Variants in DECR1 observed in about 807,000 individuals in gnomAD.
DECR1 encodes the protein 2,4-dienoyl-CoA reductase 1, also known as 2,4-dienoyl-CoA reductase [(3E)-enoyl-CoA-producing], mitochondrial.
Under a neutral mutation model 38.8 loss-of-function variants are expected in DECR1, and 44 were observed. The ratio of observed to expected loss-of-function variants is 1.13; its 90% CI spans 0.89 to 1.46. DECR1 has a LOEUF of 1.46. DECR1 is among the 40% of genes most tolerant of loss of function. DECR1 has a pLI of 0.00. For missense variants in DECR1, 428 were observed against 405.5 expected (o/e 1.06, Z -0.48); for synonymous variants, 148 against 135.2 (o/e 1.09, Z -0.66).
At chr8:90,022,671 A>C (rs950342871) in intron 5 of DECR1, among the ~76,000 whole-genome samples, 1 of 151,038 alleles carries the variant, frequency 6.6e-6, no homozygotes, top group Admixed American at 6.6e-5. Flanking sequence ...TGATATCTCC[A>C]TTTCATTCTC....
At chr8:90,005,979 T>G (rs1812728513) in intron 1 of DECR1, 2 of 533,038 alleles carry the variant, frequency 3.8e-6, no homozygotes, top group Non-Finnish European at 6.7e-6. Flanking sequence ...TGCCAGGTTC[T>G]TTCACAACCT....
At chr8:90,010,790 T>C (rs939359006) in intron 1 of DECR1, among the ~76,000 whole-genome samples, 2 of 152,236 alleles carry the variant, frequency 1.3e-5, no homozygotes, top group Non-Finnish European at 2.9e-5. Context: ...GCTCACACTT[T>C]AGTGTTTAAT....
At chr8:90,023,118 A>G (rs1365500841) in intron 5 of DECR1, among the ~76,000 whole-genome samples, 1 of 152,166 alleles carries the variant, frequency 6.6e-6, no homozygotes, top group Non-Finnish European at 1.5e-5. Context: ...TTTTAACAAT[A>G]TCATGTCTTC....
chr8:90,029,749 C>T (rs1197326680), intron 5 of DECR1, among the ~76,000 whole-genome samples: 1 of 152,112 alleles, frequency 6.6e-6, no homozygotes, highest in African/African-American at 2.4e-5. Flanking sequence ...TTTTTCCAAC[C>T]CATAGACATT....
chr8:90,008,999 T>G (rs1362986519), intron 1 of DECR1, among the ~76,000 whole-genome samples: 1 of 152,196 alleles, frequency 6.6e-6, no homozygotes, highest in African/African-American at 2.4e-5. Flanking sequence ...CTACACTCCA[T>G]GGCAGCCAGA....
intron 5 of DECR1, among the ~76,000 whole-genome samples, chr8:90,033,511 G>T (rs1813546692): frequency 6.6e-6 from 1 of 152,222 alleles, no homozygotes. Flanking sequence ...CTAACCCTGG[G>T]GATCTAGGAA....
In DECR1 at chr8:90,017,172, C is replaced by G; in HGVS notation, c.118C>G (p.Gln40Glu). 6.2e-7 allele frequency: 1 copy of G among 1,614,004 alleles called. No individual in the cohort carries two copies. The highest frequency in any genetic ancestry group is 8.5e-7 in the Non-Finnish European group (1 of 1,179,882). Residue 40 changes from glutamine to glutamate, a missense_variant, in exon 2 of 10, where the codon CAA (glutamine) becomes GAA (glutamate). Gln to Glu is a conservative substitution (Grantham distance 29). Transcript: ENST00000220764. ...KILYQNTEAL[Q>E]SKFFSPLQKA... is the part of the protein sequence containing the mutation. ...ATTATATCAAAACACTGAAGCTTTGCAATCTAAATTCTTTTCACCTCTTCA... is the reference window on the plus strand; with the variant it reads ...ATTATATCAAAACACTGAAGCTTTGGAATCTAAATTCTTTTCACCTCTTCA...
At chr8:90,044,112 C>T (rs542039675) in intron 7 of DECR1, among the ~76,000 whole-genome samples, 2 of 152,250 alleles carry the variant, frequency 1.3e-5, no homozygotes, top group Admixed American at 6.5e-5. Context: ...CCCTAGCATG[C>T]ACTTTTTAGA....
At chr8:90,044,035 G>A (rs1813827049) in intron 7 of DECR1, among the ~76,000 whole-genome samples, 1 of 152,180 alleles carries the variant, frequency 6.6e-6, no homozygotes. Context: ...CACTGAGATA[G>A]GAGTTGTACC....
chr8:90,005,287 G>A (rs1474867571), intron 1 of DECR1: 1 of 454,362 alleles, frequency 2.2e-6, no homozygotes, highest in African/African-American at 2.0e-5. Flanking sequence ...TTTACTATTT[G>A]CTAGGCACCT....
intron 6 of DECR1, 123 bp from the exon 7 acceptor site, chr8:90,042,605 A>C (rs1022000197): frequency 5.2e-6 from 4 of 775,872 alleles, no homozygotes; most frequent in Non-Finnish European, 8.9e-6. Context: ...GAACAATAAT[A>C]GTACCTACCT....
intron 5 of DECR1, among the ~76,000 whole-genome samples, chr8:90,023,210 C>T (rs1238346201): frequency 6.6e-6 from 1 of 152,188 alleles, no homozygotes; most frequent in African/African-American, 2.4e-5. Flanking sequence ...GGGCATTGTA[C>T]ATGTTTTGTT....
chr8:90,045,773 G>A (rs879596351), intron 8 of DECR1, among the ~76,000 whole-genome samples: 26 of 152,200 alleles, frequency 1.7e-4, no homozygotes, highest in Non-Finnish European at 3.1e-4. Context: ...CTAACTGGGA[G>A]ACACCTCCCA....
rs910476235 is a variant in DECR1 at position 90,053,393 on chromosome 8, A to G, written c.*1496A>G. 1.6e-4 allele frequency among the ~76,000 whole-genome samples: 25 copies of G among 152,178 alleles called. No individual in the cohort carries two copies. Among genetic ancestry groups the G allele is most frequent in the African/African-American group, 6.0e-4 (25 of 41,442 alleles). ...GGGAACTCCCATTTATAAAACCATC[A>G]GATCTCGTGAGACTTATTCACTATC... On this transcript the variant is annotated 3_prime_UTR_variant, in exon 10 of 10. Coordinates refer to ENST00000220764, the MANE Select transcript of DECR1 (RefSeq NM_001359.2).
chr8:90,051,554 A>C (rs1814093452), intron 8 of DECR1, 123 bp from the exon 9 acceptor site: 4 of 677,382 alleles, frequency 5.9e-6, no homozygotes, highest in Non-Finnish European at 1.0e-5. Context: ...TTATCTTTAA[A>C]ATTTGGGCTT....
intron 6 of DECR1, among the ~76,000 whole-genome samples, chr8:90,037,952 C>T (rs1813654287): frequency 6.6e-6 from 1 of 152,164 alleles, no homozygotes; most frequent in Non-Finnish European, 1.5e-5. Flanking sequence ...CGACACTCCC[C>T]AGCTAAAAAT....
rs1020184833 is a variant in DECR1, at chr8:90,052,762, A to C, written c.*865A>C. Among the ~76,000 whole-genome samples the C allele has an allele frequency of 2.0e-5, 3 of 152,192 alleles. No homozygotes were observed. The highest frequency in any genetic ancestry group is 7.2e-5 in the African/African-American group (3 of 41,466). On this transcript the variant is annotated 3_prime_UTR_variant, in exon 10 of 10. Transcript: ENST00000220764. ...CATCCTGAAAATCAAATAATAATGA[A>C]TCCAAAGTCTCAAGTCTACAGAGCT...
At chr8:90,040,903 T>C (rs1813745535) in intron 6 of DECR1, among the ~76,000 whole-genome samples, 1 of 152,212 alleles carries the variant, frequency 6.6e-6, no homozygotes, top group Non-Finnish European at 1.5e-5. Flanking sequence ...TTCTAAGTCT[T>C]TGCTATTAAG....
In DECR1 at chr8:90,051,844, A is replaced by G; in HGVS notation, c.955A>G (p.Lys319Glu). 1 of 1,613,906 alleles carries G rather than the reference A, an allele frequency of 6.2e-7. No homozygotes were observed. Among genetic ancestry groups the G allele is most frequent in the Admixed American group, 1.7e-5 (1 of 60,002 alleles). Residue 319 changes from lysine (K) to glutamate (E), a missense_variant, in exon 10 of 10, where the codon AAG becomes GAG. Transcript: ENST00000220764. The part of the protein sequence containing the change: ...GEFNDLRKVT[K>E]EQWDTIEELI... ...GACATCTTTTTTGTGTTAGGTCACC[A>G]AGGAGCAGTGGGACACCATAGAAGA...
Sources: gnomAD v4.1 joint callset for allele counts (sites outside exome capture counted in the v4.1 genomes callset) on GRCh38, gnomAD v4.1.1 for gene constraint, MANE v1.5 for transcripts, NCBI Gene and HGNC (gene_info 2026-07-23, HGNC 2026-07-21) for gene names.